Variants in HLA-E observed in about 807,000 individuals in gnomAD.
The protein encoded by HLA-E is major histocompatibility complex, class I, E.
In HLA-E, 25 loss-of-function variants were observed where a neutral mutation model predicts 43.4. The ratio of observed to expected loss-of-function variants is 0.58; its 90% CI spans 0.42 to 0.80. The LOEUF (loss-of-function observed/expected upper bound fraction) is 0.80. Among genes scored for constraint, HLA-E ranks in the 30% least tolerant of loss-of-function variants. The pLI is 0.00. For missense variants in HLA-E, 343 were observed against 470.0 expected (o/e 0.73, Z 2.50); for synonymous variants, 161 against 197.6 (o/e 0.81, Z 1.55).
Position 30,491,071 on chromosome 6 carries a change from A to C in HLA-E, c.611-66A>C, listed in dbSNP as rs1445203155. ...TCCTCTTCCTTCTCAGGATGGTCAC[A>C]TGGGTGCTGCTGGAGTGTCCCATGA... On this transcript the variant is annotated intron_variant, in intron 3 of 7. Transcript: ENST00000376630. This position sits in a 1 kb window ranked among gnomAD's most constrained non-coding sequence, Gnocchi z 5.4. The C allele has an allele frequency of 1.9e-6, 3 of 1,580,308 alleles. No homozygotes were observed. The highest frequency in any genetic ancestry group is 1.3e-5 in the African/African-American group (1 of 74,188).
At position 30,490,999 on chromosome 6, in the gene HLA-E, A is replaced by G. The variant is rs1257501100; in HGVS notation, c.611-138A>G. On this transcript the variant is annotated intron_variant, in intron 3 of 7. Transcript: ENST00000376630. This position sits in a 1 kb window ranked among gnomAD's most constrained non-coding sequence, Gnocchi z 6.6. The stretch of plus-strand genomic sequence containing the variant: ...AATAAGAGGCTATCCCAGATCCCTA[A>G]GTCCAGGCTGGTGTCAAGGTTTTGT... 4.1e-6 allele frequency: 5 copies of G among 1,218,356 alleles called. No individual in the cohort carries two copies. The East Asian group carries it at 1.2e-4, about 29-fold the overall frequency. The allele number at this position is 1,218,356 out of a possible 1,614,324, so 75.5% of individuals were successfully genotyped here. A position where few individuals can be genotyped will look rare whatever the true frequency, so the allele number is the denominator to read the frequency against.
rs1796494225 is a variant in HLA-E at position 30,490,945 on chromosome 6, G to A, written c.611-192G>A. On this transcript the variant is annotated intron_variant, in intron 3 of 7. Coordinates refer to ENST00000376630, the MANE Select transcript of HLA-E (RefSeq NM_005516.6). This position sits in a 1 kb window ranked among gnomAD's most constrained non-coding sequence, Gnocchi z 6.6. ...CCTTTTCACCTTCTACCCTGGGCTA[G>A]CTCATCCCGATTCTAGAACTTTCCA... Among the ~76,000 whole-genome samples the A allele has an allele frequency of 6.6e-6, 1 of 152,192 alleles. No homozygotes were observed. The highest frequency in any genetic ancestry group is 2.1e-4 in the South Asian group (1 of 4,838).
In HLA-E at chr6:30,492,380, TCA is replaced by T; in HGVS notation, c.1004-21_1004-20del. The T allele has an allele frequency of 2.5e-6, 4 of 1,614,016 alleles. No homozygotes were observed. The East Asian group carries it at 8.9e-5, about 36-fold the overall frequency. On this transcript the variant is annotated intron_variant, in intron 5 of 7. Transcript: ENST00000376630. The surrounding 1 kb of genome is among the most constrained non-coding windows in gnomAD (Gnocchi z 4.5). ...ATGGCCCTGCCTCCTCCCTGGCCCC[TCA>T]CAGGACATTTTCTTCCAACAGGTGG...
chr6:30,490,479 T>C lies in HLA-E; in HGVS notation c.574T>C (p.Tyr192His). ...EDTCVEWLHK[Y>H]LEKGKETLLH... is the part of the protein sequence containing the mutation. The stretch of plus-strand genomic sequence containing the variant: ...CACATGCGTGGAGTGGCTCCACAAA[T>C]ACCTGGAGAAGGGGAAGGAGACGCT... The change falls in exon 3 of 8, where the codon TAC (tyrosine) becomes CAC (histidine). Residue 192 changes from tyrosine (Y) to histidine (H), a missense_variant. Tyr to His is a moderately conservative substitution (Grantham distance 83). This residue lies in a region of HLA-E where 190 missense variants were observed against 283.6 expected (regional missense o/e 0.67). Transcript: ENST00000376630. This position sits in a 1 kb window ranked among gnomAD's most constrained non-coding sequence, Gnocchi z 6.6. The C allele has an allele frequency of 6.2e-7, 1 of 1,612,868 alleles. No homozygotes were observed. The highest frequency in any genetic ancestry group is 2.2e-5 in the East Asian group (1 of 44,868).
At position 30,491,415 on chromosome 6, in the gene HLA-E, A is replaced by C. The variant is rs1033690889; in HGVS notation, c.886+3A>C. On this transcript the variant is annotated splice_donor_region_variant and intron_variant, in intron 4 of 7. Transcript: ENST00000376630. The surrounding 1 kb of genome is among the most constrained non-coding windows in gnomAD (Gnocchi z 5.4). ...CGAGCCCGTCACCCTGAGATGGAGT[A>C]AGGAGGGGGATGGGAGGTCATGTCT... The C allele has an allele frequency of 6.2e-7, 1 of 1,613,936 alleles. No homozygotes were observed. Among genetic ancestry groups the C allele is most frequent in the African/African-American group, 1.3e-5 (1 of 74,916 alleles).
Position 30,491,642 on chromosome 6 carries a change from A to G in HLA-E, c.992A>G (p.Lys331Arg), listed in dbSNP as rs1796547822. ...GTGGTTGCTGCTGTGATATGGAGGA[A>G]GAAGAGCTCAGGTGGGGAAGGGAGA... ...GAVVAAVIWR[K>R]KSSGGKGGSY... Residue 331 changes from lysine to arginine, a missense_variant, in exon 5 of 8, where the codon AAG becomes AGG. This residue lies in a region of HLA-E where 190 missense variants were observed against 283.6 expected (regional missense o/e 0.67). Coordinates refer to ENST00000376630, the MANE Select transcript of HLA-E (RefSeq NM_005516.6). The surrounding 1 kb of genome is among the most constrained non-coding windows in gnomAD (Gnocchi z 5.4). The G allele has an allele frequency of 6.2e-7, 1 of 1,612,132 alleles. No individual in the cohort carries two copies. The highest frequency in any genetic ancestry group is 8.5e-7 in the Non-Finnish European group (1 of 1,179,210).
In HLA-E at chr6:30,489,631, G is replaced by C. The variant is rs781324002; in HGVS notation, c.64+36G>C. On this transcript the variant is annotated intron_variant, in intron 1 of 7. Coordinates refer to ENST00000376630, the MANE Select transcript of HLA-E (RefSeq NM_005516.6). The surrounding 1 kb of genome is among the most constrained non-coding windows in gnomAD (Gnocchi z 5.6). ...GGTCGGGATGGAAACGGCCTCTACC[G>C]GGAGTAGAGAGGGGCCGGCCCGGCG... 4.4e-6 allele frequency: 7 copies of C among 1,596,608 alleles called. No individual in the cohort carries two copies. Among genetic ancestry groups the C allele is most frequent in the South Asian group, 1.1e-5 (1 of 88,100 alleles).
Position 30,492,701 on chromosome 6 carries a change from A to C in HLA-E, c.*3-48A>C. 7.3e-6 allele frequency: 7 copies of C among 959,246 alleles called. No homozygotes were observed. Among genetic ancestry groups the C allele is most frequent in the Non-Finnish European group, 1.1e-5 (7 of 613,272 alleles). The allele number at this position is 959,246 out of a possible 1,614,324, so 59.4% of individuals were successfully genotyped here. A position where few individuals can be genotyped will look rare whatever the true frequency, so the allele number is the denominator to read the frequency against. On this transcript the variant is annotated intron_variant, in intron 7 of 7. Coordinates refer to ENST00000376630, the MANE Select transcript of HLA-E (RefSeq NM_005516.6). This position sits in a 1 kb window ranked among gnomAD's most constrained non-coding sequence, Gnocchi z 4.5. ...GTGGTGGGCTGTTCAGAGTGTCATCACTTACCGTGACTGACCTGAATTTGT... is the reference window on the plus strand; with the variant it reads ...GTGGTGGGCTGTTCAGAGTGTCATCCCTTACCGTGACTGACCTGAATTTGT...
Position 30,491,363 on chromosome 6 carries a change from G to C in HLA-E, c.837G>C (p.Thr279=). The C allele has an allele frequency of 2.5e-6, 4 of 1,614,180 alleles. No individual in the cohort carries two copies. The highest frequency in any genetic ancestry group is 2.5e-6 in the Non-Finnish European group (3 of 1,180,028). The part of the protein sequence containing the change: ...VVPSGEEQRY[T]CHVQHEGLPE... ...CTTCTGGAGAGGAGCAGAGATACAC[G>C]TGCCATGTGCAGCATGAGGGGCTAC... The change falls in exon 4 of 8, where the codon ACG becomes ACC. Residue 279 remains threonine (T), a synonymous_variant. Transcript: ENST00000376630. The surrounding 1 kb of genome is among the most constrained non-coding windows in gnomAD (Gnocchi z 5.4).
At position 30,491,658 on chromosome 6, in the gene HLA-E, G is replaced by A. The variant is rs879234757; in HGVS notation, c.1003+5G>A. On this transcript the variant is annotated splice_donor_5th_base_variant and intron_variant, in intron 5 of 7. Transcript: ENST00000376630. The surrounding 1 kb of genome is among the most constrained non-coding windows in gnomAD (Gnocchi z 5.4). ...TATGGAGGAAGAAGAGCTCAGGTGG[G>A]GAAGGGAGAAGGGTGGGGTCTGAGT... The A allele has an allele frequency of 3.7e-6, 6 of 1,608,892 alleles. No homozygotes were observed. In the South Asian group the frequency reaches 5.5e-5, roughly 15 times the overall value.
chr6:30,490,119 G>A lies in HLA-E; in HGVS notation c.335-121G>A, dbSNP rs1342843866. ...GGCTGCGGAACCCGCCCAGACCCTAGACCGGGGAGAGTCTCAGGCGCCTTT... is the reference window on the plus strand; with the variant it reads ...GGCTGCGGAACCCGCCCAGACCCTAAACCGGGGAGAGTCTCAGGCGCCTTT... On this transcript the variant is annotated intron_variant, in intron 2 of 7. Transcript: ENST00000376630. This position sits in a 1 kb window ranked among gnomAD's most constrained non-coding sequence, Gnocchi z 6.6. 1 of 1,502,416 alleles carries A rather than the reference G, an allele frequency of 6.7e-7. No individual in the cohort carries two copies. Among genetic ancestry groups the A allele is most frequent in the Non-Finnish European group, 9.0e-7 (1 of 1,106,048 alleles). 93.1% of individuals were successfully genotyped at this position (1,502,416 alleles called of 1,614,324 possible). A position where few individuals can be genotyped will look rare whatever the true frequency, so the allele number is the denominator to read the frequency against.
Position 30,491,770 on chromosome 6 carries a change from A to T in HLA-E, c.1003+117A>T. On this transcript the variant is annotated intron_variant, in intron 5 of 7. Transcript: ENST00000376630. This position sits in a 1 kb window ranked among gnomAD's most constrained non-coding sequence, Gnocchi z 5.4. ...AAGCACCATCCACACACACGAGCCT[A>T]CCCAGCCTGGGGCCCTGTGTGCCAG... 1 of 834,218 alleles carries T rather than the reference A, an allele frequency of 1.2e-6. No individual in the cohort carries two copies. The highest frequency in any genetic ancestry group is 1.9e-6 in the Non-Finnish European group (1 of 524,662). 51.7% of individuals were successfully genotyped at this position (834,218 alleles called of 1,614,324 possible). A position where few individuals can be genotyped will look rare whatever the true frequency, so the allele number is the denominator to read the frequency against.
At position 30,490,127 on chromosome 6, in the gene HLA-E, A is replaced by C; in HGVS notation, c.335-113A>C. The C allele has an allele frequency of 6.7e-7, 1 of 1,488,268 alleles. No individual in the cohort carries two copies. The highest frequency in any genetic ancestry group is 9.1e-7 in the Non-Finnish European group (1 of 1,098,146). 92.2% of individuals were successfully genotyped at this position (1,488,268 alleles called of 1,614,324 possible). ...AACCCGCCCAGACCCTAGACCGGGG[A>C]GAGTCTCAGGCGCCTTTACCCGGTT... On this transcript the variant is annotated intron_variant, in intron 2 of 7. Transcript: ENST00000376630. The surrounding 1 kb of genome is among the most constrained non-coding windows in gnomAD (Gnocchi z 6.6).
At position 30,490,523 on chromosome 6, in the gene HLA-E, G is replaced by A. The variant is rs1445868775; in HGVS notation, c.610+8G>A. 1 of 1,610,262 alleles carries A rather than the reference G, an allele frequency of 6.2e-7. No homozygotes were observed. Among genetic ancestry groups the A allele is most frequent in the Non-Finnish European group, 8.5e-7 (1 of 1,178,570 alleles). On this transcript the variant is annotated splice_region_variant and intron_variant, in intron 3 of 7. Coordinates refer to ENST00000376630, the MANE Select transcript of HLA-E (RefSeq NM_005516.6). The surrounding 1 kb of genome is among the most constrained non-coding windows in gnomAD (Gnocchi z 6.6). The stretch of plus-strand genomic sequence containing the variant: ...AGACGCTGCTTCACCTGGGTAAGAG[G>A]GTCCACAGGGCTACTCTCCCATCTC...
chr6:30,489,679 G>T lies in HLA-E; in HGVS notation c.65-47G>T, dbSNP rs1334167742. On this transcript the variant is annotated intron_variant, in intron 1 of 7. Coordinates refer to ENST00000376630, the MANE Select transcript of HLA-E (RefSeq NM_005516.6). The surrounding 1 kb of genome is among the most constrained non-coding windows in gnomAD (Gnocchi z 5.6). ...GCGGGGGCGAAGGACTCGGGGAGCC[G>T]CGCCGGGAGGAGGGTCGGGCCGATC... is the stretch of plus-strand genomic sequence containing the variant. 6.2e-7 allele frequency: 1 copy of T among 1,610,206 alleles called. No individual in the cohort carries two copies. The highest frequency in any genetic ancestry group is 1.1e-5 in the South Asian group (1 of 90,896).
Position 30,490,340 on chromosome 6 carries a change from C to T in HLA-E, c.435C>T (p.Leu145=). Residue 145 remains leucine, a synonymous_variant, in exon 3 of 8, where the codon CTC becomes CTT. Transcript: ENST00000376630. The surrounding 1 kb of genome is among the most constrained non-coding windows in gnomAD (Gnocchi z 6.6). ...EQFAYDGKDY[L]TLNEDLRSWT... is the part of the protein sequence containing the mutation. ...TCGCCTACGACGGCAAGGATTATCTCACCCTGAATGAGGACCTGCGCTCCT... is the reference window on the plus strand; with the variant it reads ...TCGCCTACGACGGCAAGGATTATCTTACCCTGAATGAGGACCTGCGCTCCT... 2.5e-6 allele frequency: 4 copies of T among 1,613,096 alleles called. No individual in the cohort carries two copies. The highest frequency in any genetic ancestry group is 2.5e-6 in the Non-Finnish European group (3 of 1,180,028).
At position 30,489,967 on chromosome 6, in the gene HLA-E, G is replaced by T; in HGVS notation, c.306G>T (p.Leu102=). 1 of 1,610,520 alleles carries T rather than the reference G, an allele frequency of 6.2e-7. No individual in the cohort carries two copies. Among genetic ancestry groups the T allele is most frequent in the Non-Finnish European group, 8.5e-7 (1 of 1,178,406 alleles). Residue 102 remains leucine, a synonymous_variant, in exon 2 of 8, where the codon CTG becomes CTT. Transcript: ENST00000376630. The surrounding 1 kb of genome is among the most constrained non-coding windows in gnomAD (Gnocchi z 5.6). ...AQIFRVNLRT[L]RGYYNQSEAG... is the part of the protein sequence containing the mutation. The stretch of plus-strand genomic sequence containing the variant: ...TTTTCCGAGTGAATCTGCGGACGCT[G>T]CGCGGCTACTACAATCAGAGCGAGG...
Position 30,489,632 on chromosome 6 carries a change from G to A in HLA-E, c.64+37G>A. On this transcript the variant is annotated intron_variant, in intron 1 of 7. Coordinates refer to ENST00000376630, the MANE Select transcript of HLA-E (RefSeq NM_005516.6). The surrounding 1 kb of genome is among the most constrained non-coding windows in gnomAD (Gnocchi z 5.6). ...GTCGGGATGGAAACGGCCTCTACCGGGAGTAGAGAGGGGCCGGCCCGGCGG... is the reference window on the plus strand; with the variant it reads ...GTCGGGATGGAAACGGCCTCTACCGAGAGTAGAGAGGGGCCGGCCCGGCGG... The A allele has an allele frequency of 6.3e-7, 1 of 1,597,326 alleles. No individual in the cohort carries two copies. The highest frequency in any genetic ancestry group is 8.5e-7 in the Non-Finnish European group (1 of 1,170,978).
Position 30,492,389 on chromosome 6 carries a change from A to T in HLA-E, c.1004-15A>T. ...CCTCCTCCCTGGCCCCTCACAGGACATTTTCTTCCAACAGGTGGAAAAGGA... is the reference window on the plus strand; with the variant it reads ...CCTCCTCCCTGGCCCCTCACAGGACTTTTTCTTCCAACAGGTGGAAAAGGA... On this transcript the variant is annotated splice_polypyrimidine_tract_variant and intron_variant, in intron 5 of 7. Coordinates refer to ENST00000376630, the MANE Select transcript of HLA-E (RefSeq NM_005516.6). The surrounding 1 kb of genome is among the most constrained non-coding windows in gnomAD (Gnocchi z 4.5). 6.2e-7 allele frequency: 1 copy of T among 1,614,002 alleles called. No homozygotes were observed. Among genetic ancestry groups the T allele is most frequent in the Non-Finnish European group, 8.5e-7 (1 of 1,179,976 alleles).
Sources: allele counts gnomAD v4.1 joint callset (sites outside exome capture counted in the v4.1 genomes callset), GRCh38; gene constraint gnomAD v4.1.1; regional missense constraint gnomAD v4.1.1; non-coding constraint Gnocchi (gnomAD v3.1); transcripts MANE v1.5; gene names NCBI Gene and HGNC (gene_info 2026-07-23, HGNC 2026-07-21).